ATAD2: variants seen among roughly 807,000 people sequenced by gnomAD.
ATAD2 encodes the protein ATPase family AAA domain containing 2, also known as ATPase family AAA domain-containing protein 2.
ATAD2 carries 62 observed loss-of-function variants against 168.9 expected under a neutral mutation model. The ratio of observed to expected loss-of-function variants is 0.37; its 90% CI spans 0.30 to 0.45. The LOEUF is 0.45. Among genes scored for constraint, ATAD2 ranks in the 20% least tolerant of loss-of-function variants. ATAD2 has a pLI of 1.00. For synonymous variants in ATAD2, 613 were observed against 571.6 expected (o/e 1.07, Z -1.03); for missense variants, 1,419 against 1,667.8 (o/e 0.85, Z 2.60).
intron 12 of ATAD2, among the ~76,000 whole-genome samples, chr8:123,356,983 A>G (rs953739403): frequency 6.6e-6 from 1 of 152,186 alleles, no homozygotes; most frequent in Non-Finnish European, 1.5e-5. Flanking sequence ...ATATTTATTG[A>G]ACTATGGAAA....
intron 19 of ATAD2, among the ~76,000 whole-genome samples, chr8:123,341,360 A>G (rs1488689539): frequency 1.3e-5 from 2 of 152,172 alleles, no homozygotes; most frequent in Non-Finnish European, 2.9e-5. Context: ...AAGTTCACCT[A>G]GTTTGTCTTA....
At chr8:123,356,094 A>ATTT in intron 13 of ATAD2, 2 of 148,862 alleles carry the variant, frequency 1.3e-5, no homozygotes, top group African/African-American at 2.6e-5. Context: ...CACCCGGCTA[A>ATTT]TTTTTTTTTT....
At chr8:123,323,620 A>C (rs1563829970) in intron 26 of ATAD2, among the ~76,000 whole-genome samples, 1 of 152,166 alleles carries the variant, frequency 6.6e-6, no homozygotes, top group Non-Finnish European at 1.5e-5. Flanking sequence ...CTCATAATTA[A>C]CAAAAACACA....
At chr8:123,410,300 T>C (rs1242828215) in intron 1 of ATAD2, among the ~76,000 whole-genome samples, 1 of 152,140 alleles carries the variant, frequency 6.6e-6, no homozygotes, top group African/African-American at 2.4e-5. Context: ...TATTTATTTA[T>C]TTATTAGCAG....
At chr8:123,391,526 TAG>T (rs1238530487) in intron 1 of ATAD2, among the ~76,000 whole-genome samples, 1 of 124,060 alleles carries the variant, frequency 8.1e-6, no homozygotes, top group Non-Finnish European at 1.6e-5. Flanking sequence ...AGCCTGAGAT[TAG>T]ACTAGGAAAA....
In ATAD2 at chr8:123,359,498, ATT is replaced by A. The variant is rs1309807099; in HGVS notation, c.1266+77_1266+78del. On this transcript the variant is annotated intron_variant, in intron 10 of 27. Transcript: ENST00000287394. The stretch of plus-strand genomic sequence containing the variant: ...AGAGTTTTGACTAAAAAGAAAAATC[ATT>A]GGTTCCTTTTTTTAACTTTAAAACT... 8 of 1,381,354 alleles carry A rather than the reference ATT, an allele frequency of 5.8e-6. No homozygotes were observed. In the African/African-American group the frequency reaches 1.2e-4, roughly 20 times the overall value. The allele number at this position is 1,381,354 out of a possible 1,614,324, so 85.6% of individuals were successfully genotyped here.
At chr8:123,334,144 T>C in intron 23 of ATAD2, 56 bp downstream of exon 23, 1 of 1,544,768 alleles carries the variant, frequency 6.5e-7, no homozygotes, top group Non-Finnish European at 8.7e-7. Flanking sequence ...ATTCATATAT[T>C]CTGAAATTCA....
At chr8:123,411,593 A>G (rs1225365199) in intron 1 of ATAD2, among the ~76,000 whole-genome samples, 1 of 152,156 alleles carries the variant, frequency 6.6e-6, no homozygotes, top group Non-Finnish European at 1.5e-5. Flanking sequence ...TTAGGAAAAA[A>G]TAGGAGGTAA....
intron 4 of ATAD2, 44 bp from the exon 5 acceptor site, chr8:123,371,382 TAGC>T: frequency 2.0e-6 from 3 of 1,467,402 alleles, no homozygotes; most frequent in Non-Finnish European, 2.8e-6. Flanking sequence ...TGTAAAAGAG[TAGC>T]AGAATTTTAA....
intron 11 of ATAD2, among the ~76,000 whole-genome samples, chr8:123,358,352 A>G (rs911283111): frequency 1.7e-4 from 25 of 147,190 alleles, no homozygotes; most frequent in Non-Finnish European, 3.5e-4. Context: ...GGCACTTTCT[A>G]TTTTTTTTTT....
At chr8:123,390,923 G>A (rs1829809297) in intron 1 of ATAD2, among the ~76,000 whole-genome samples, 1 of 152,108 alleles carries the variant, frequency 6.6e-6, no homozygotes, top group African/African-American at 2.4e-5. Context: ...CGGAGGCTGA[G>A]GCAGGAGAAT....
chr8:123,382,338 C>T (rs1330758158), intron 1 of ATAD2, among the ~76,000 whole-genome samples: 1 of 152,132 alleles, frequency 6.6e-6, no homozygotes, highest in African/African-American at 2.4e-5. Flanking sequence ...TAGACAGGTA[C>T]TTCAAAAATA....
At chr8:123,337,903 A>C (rs1046679854) in intron 20 of ATAD2, 82 bp from the exon 21 acceptor site, 52 of 1,307,406 alleles carry the variant, frequency 4.0e-5, no homozygotes, top group Middle Eastern at 1.9e-4. Flanking sequence ...CAGAGTCAGG[A>C]TTTGAGGGAT....
upstream of ATAD2, chr8:123,401,379 C>T (rs1432955246): frequency 6.4e-6 from 9 of 1,405,676 alleles, no homozygotes; most frequent in Admixed American, 5.2e-5. Context: ...CGGGTGTCGA[C>T]GTCATAGTCT....
chr8:123,396,482 G>A (rs1024481560), upstream of ATAD2: 7 of 1,085,332 alleles, frequency 6.4e-6, no homozygotes, highest in East Asian at 1.4e-4. Context: ...GCCGCAGCGC[G>A]CGCGCCCAGA....
intron 8 of ATAD2, among the ~76,000 whole-genome samples, chr8:123,363,750 C>A (rs1379705808): frequency 6.6e-6 from 1 of 152,186 alleles, no homozygotes; most frequent in Non-Finnish European, 1.5e-5. Flanking sequence ...CATTAACTGA[C>A]TGCTTTCTGT....
chr8:123,374,847 G>C (rs537815547), intron 2 of ATAD2, among the ~76,000 whole-genome samples: 1 of 152,160 alleles, frequency 6.6e-6, no homozygotes, highest in Non-Finnish European at 1.5e-5. Context: ...TACACTCTGC[G>C]AAGACTATAC....
chr8:123,369,904 T>A lies in ATAD2; in HGVS notation c.848A>T (p.Glu283Val), dbSNP rs150184958. 1 of 1,577,000 alleles carries A rather than the reference T, an allele frequency of 6.3e-7. No individual in the cohort carries two copies. ...CTGATTCTCTTCTTCTCCATCTTCT[T>A]CATCTTCATCATCTTCATCATCATC... ...DDDDDEDDED[E>V]EDGEEENQKR... Residue 283 changes from glutamate to valine, a missense_variant, in exon 7 of 28, where the codon GAA (glutamate) becomes GTA (valine). Coordinates refer to ENST00000287394, the MANE Select transcript of ATAD2 (RefSeq NM_014109.4).
intron 2 of ATAD2, among the ~76,000 whole-genome samples, chr8:123,377,713 C>A (rs1274447949): frequency 1.3e-5 from 2 of 152,138 alleles, no homozygotes; most frequent in African/African-American, 2.4e-5. Context: ...CACGATGGGG[C>A]AACTCATCCA....
Sources: gnomAD v4.1 joint callset for allele counts (sites outside exome capture counted in the v4.1 genomes callset) on GRCh38, gnomAD v4.1.1 for gene constraint, MANE v1.5 for transcripts, NCBI Gene and HGNC (gene_info 2026-07-23, HGNC 2026-07-21) for gene names.